The following EEF1A2 variants were observed in gnomAD, a reference collection of about 807,000 sequenced individuals.
EEF1A2 encodes eukaryotic translation elongation factor 1 alpha 2.
Under a neutral mutation model 39.3 loss-of-function variants are expected in EEF1A2, and 5 were observed. The ratio of observed to expected loss-of-function variants is 0.13; its 90% CI spans 0.07 to 0.27. The LOEUF is 0.27. Ranked by LOEUF, EEF1A2 falls within the 10% of genes least tolerant of loss-of-function variation. The pLI, the probability that EEF1A2 is intolerant of heterozygous loss-of-function variation, is 1.00. For synonymous variants in EEF1A2, 287 were observed against 293.7 expected (o/e 0.98, Z 0.23); for missense variants, 218 against 681.4 (o/e 0.32, Z 7.57).
chr20:63,491,683 T>A (rs1277169578), intron 5 of EEF1A2, among the ~76,000 whole-genome samples: 1 of 146,782 alleles, frequency 6.8e-6, no homozygotes, highest in Non-Finnish European at 1.5e-5. Context: ...GATGTATGAA[T>A]GGGGTGGTAG....
chr20:63,489,009 G>C lies in EEF1A2; in HGVS notation c.1173C>G (p.Pro391=). The stretch of plus-strand genomic sequence containing the variant: ...CCGCGTCTCCAGACTTCAGGGACTT[G>C]GGGTTGTCCTCCAGCTTCTTGCCAG... ...RRSGKKLEDN[P]KSLKSGDAAI... Residue 391 remains proline, a synonymous_variant, in exon 7 of 8, where the codon CCC becomes CCG. Coordinates refer to ENST00000217182, the MANE Select transcript of EEF1A2 (RefSeq NM_001958.5). 2.5e-6 allele frequency: 4 copies of C among 1,612,712 alleles called. No individual in the cohort carries two copies. The South Asian group carries it at 4.4e-5, about 18-fold the overall frequency.
rs1046277357 is a variant in EEF1A2, at chr20:63,493,439, C to T, written c.622-152G>A. On this transcript the variant is annotated intron_variant, in intron 4 of 7. Transcript: ENST00000217182. The stretch of plus-strand genomic sequence containing the variant: ...GGAATTTCCCCACCCTGCTCCTCCC[C>T]AGCCCATAGCCCCAGCATCACAGGG... 8.1e-6 allele frequency: 7 copies of T among 865,730 alleles called. No homozygotes were observed. The Admixed American group carries it at 2.0e-4, about 25-fold the overall frequency. The allele number at this position is 865,730 out of a possible 1,614,324, so 53.6% of individuals were successfully genotyped here.
At chr20:63,495,125 G>A (rs1305933611) in intron 3 of EEF1A2, 24 bp from the exon 4 acceptor site, 4 of 1,596,078 alleles carry the variant, frequency 2.5e-6, no homozygotes, top group East Asian at 2.2e-5. Flanking sequence ...GACACAGTGA[G>A]CCCTGCCCCG....
At position 63,488,350 on chromosome 20, in the gene EEF1A2, C is replaced by T; in HGVS notation, c.1340G>A (p.Gly447Asp). 6.8e-7 allele frequency: 1 copy of T among 1,472,516 alleles called. No individual in the cohort carries two copies. The allele number at this position is 1,472,516 out of a possible 1,614,324, so 91.2% of individuals were successfully genotyped here. ...CGCCGACTTGGTGACCTTGCCGGCG[C>T]CGCCGCTCTTCTTCTCCACGTTCTT... ...VIKNVEKKSGGAGKVTKSAQK... is the reference protein window; with the variant it reads ...VIKNVEKKSGDAGKVTKSAQK... The change falls in exon 8 of 8, where the codon GGC becomes GAC. Residue 447 changes from glycine (G) to aspartate (D), a missense_variant. By Grantham distance (94) the Gly-to-Asp change is moderately conservative (BLOSUM62 -1). Coordinates refer to ENST00000217182, the MANE Select transcript of EEF1A2 (RefSeq NM_001958.5).
Position 63,497,606 on chromosome 20 carries a change from CCTGGGGAG to C in EEF1A2, c.144+6_144+13del. On this transcript the variant is annotated splice_donor_region_variant and intron_variant, in intron 2 of 7. Transcript: ENST00000217182. This position sits in a 1 kb window ranked among gnomAD's most constrained non-coding sequence, Gnocchi z 7.3. Reference sequence around the variant, plus strand: ...CCTTCTCAGGGGGCCAAGACCATAGCCTGGGGAGCTCACCTCAGCCGCCTCCTTCTCGA... The same window carrying C: ...CCTTCTCAGGGGGCCAAGACCATAGCCTCACCTCAGCCGCCTCCTTCTCGA... The C allele has an allele frequency of 1.2e-6, 2 of 1,609,502 alleles. No individual in the cohort carries two copies. Among genetic ancestry groups the C allele is most frequent in the Non-Finnish European group, 1.7e-6 (2 of 1,177,866 alleles).
At chr20:63,492,696 AGATGGATGGATGGATGGAGAGGTG>A (rs2082395096) in intron 5 of EEF1A2, among the ~76,000 whole-genome samples, 2 of 108,636 alleles carry the variant, frequency 1.8e-5, no homozygotes, top group African/African-American at 3.5e-5. Flanking sequence ...ATGGGTGGGG[AGATGGATGGATGGATGGAGAGGTG>A]GATGGATGGA....
chr20:63,489,057 C>T lies in EEF1A2; in HGVS notation c.1125G>A (p.Leu375=). 3.7e-6 allele frequency: 6 copies of T among 1,612,800 alleles called. No individual in the cohort carries two copies. The highest frequency in any genetic ancestry group is 1.1e-5 in the South Asian group (1 of 91,086). The change falls in exon 7 of 8, where the codon CTG becomes CTA. Residue 375 remains leucine, a synonymous_variant. Transcript: ENST00000217182. ...CAGAGCGCCGGTCAATCTTCTCCTT[C>T]AGCTCCGCAAACTTGCAGGCGATGT... ...TAHIACKFAE[L]KEKIDRRSGK... is the part of the protein sequence containing the mutation.
At chr20:63,495,786 AG>A in intron 3 of EEF1A2, 69 bp downstream of exon 3, 1 of 1,565,462 alleles carries the variant, frequency 6.4e-7, no homozygotes, top group Non-Finnish European at 8.7e-7. Flanking sequence ...CAGTGACCCC[AG>A]GGGCCCCCAG....
At position 63,488,260 on chromosome 20, in the gene EEF1A2, G is replaced by GCGC; in HGVS notation, c.*37_*38insGCG. 1 of 1,021,146 alleles carries GCGC rather than the reference G, an allele frequency of 9.8e-7. No individual in the cohort carries two copies. The allele number at this position is 1,021,146 out of a possible 1,614,324, so 63.3% of individuals were successfully genotyped here. A position where few individuals can be genotyped will look rare whatever the true frequency, so the allele number is the denominator to read the frequency against. On this transcript the variant is annotated 3_prime_UTR_variant, in exon 8 of 8. Coordinates refer to ENST00000217182, the MANE Select transcript of EEF1A2 (RefSeq NM_001958.5). ...GCCCGGGCCCGGGGTTCGGAGCGCG[G>GCGC]CACCGCCGGGGAGGGTCGCGCCGCG...
Position 63,490,594 on chromosome 20 carries a change from C to A in EEF1A2, c.914G>T (p.Gly305Val). Residue 305 changes from glycine to valine, a missense_variant, in exon 6 of 8, where the codon GGC (glycine) becomes GTC (valine). Physicochemically the swap from Gly to Val is moderately radical, Grantham distance 109. Around this residue, in one of 4 missense-constraint regions of EEF1A2, gnomAD observed 80 missense variants for 295.9 expected, o/e 0.27. Coordinates refer to ENST00000217182, the MANE Select transcript of EEF1A2 (RefSeq NM_001958.5). ...HHEALSEALP[G>V]DNVGFNVKNV... is the part of the protein sequence containing the mutation. ...CTTCACATTGAAGCCGACGTTGTCG[C>A]CGGGCAGAGCTTCGCTCAGAGCCTC... 6.2e-7 allele frequency: 1 copy of A among 1,612,812 alleles called. No individual in the cohort carries two copies. The highest frequency in any genetic ancestry group is 8.5e-7 in the Non-Finnish European group (1 of 1,179,958).
chr20:63,490,748 G>A lies in EEF1A2; in HGVS notation c.773-13C>T, dbSNP rs1280688283. ...ACCGTGCCAATGCCTGCAGAGGGGAGGGGGTGTGAGGGGAAGGTGGGGCCC... is the reference window on the plus strand; with the variant it reads ...ACCGTGCCAATGCCTGCAGAGGGGAAGGGGTGTGAGGGGAAGGTGGGGCCC... On this transcript the variant is annotated splice_polypyrimidine_tract_variant and intron_variant, in intron 5 of 7. Transcript: ENST00000217182. 1.9e-6 allele frequency: 3 copies of A among 1,584,044 alleles called. No individual in the cohort carries two copies. Among genetic ancestry groups the A allele is most frequent in the South Asian group, 1.1e-5 (1 of 90,774 alleles).
intron 6 of EEF1A2, 27 bp downstream of exon 6, chr20:63,490,452 C>G (rs779722584): frequency 6.3e-7 from 1 of 1,592,388 alleles, no homozygotes; most frequent in Non-Finnish European, 8.6e-7. Flanking sequence ...CAGGCGCCAG[C>G]CCCCTGGACC....
rs1295987421 is a variant in EEF1A2 at position 63,488,310 on chromosome 20, C to T, written c.1380G>A (p.Lys460=). ...GGGCGCCCGCGCTTCACTTGCCCGC[C>T]TTCTGCGCCTTCTGCGCCGACTTGG... The part of the protein sequence containing the change: ...KVTKSAQKAQ[K]AGK The change falls in exon 8 of 8, where the codon AAG becomes AAA. Residue 460 remains lysine, a synonymous_variant. Coordinates refer to ENST00000217182, the MANE Select transcript of EEF1A2 (RefSeq NM_001958.5). 7 of 1,412,916 alleles carry T rather than the reference C, an allele frequency of 5.0e-6. No individual in the cohort carries two copies. In the African/African-American group the frequency reaches 1.1e-4, roughly 21 times the overall value. 87.5% of individuals were successfully genotyped at this position (1,412,916 alleles called of 1,614,324 possible). A position where few individuals can be genotyped will look rare whatever the true frequency, so the allele number is the denominator to read the frequency against.
At chr20:63,496,581 C>T (rs1293186621) in intron 2 of EEF1A2, 1 of 154,038 alleles carries the variant, frequency 6.5e-6, no homozygotes, top group Non-Finnish European at 1.4e-5. Context: ...CCTCCCCTTC[C>T]TCGCTCTGCC....
chr20:63,488,194 C>T lies in EEF1A2; in HGVS notation c.*104G>A, dbSNP rs1406318872. 1.0e-5 allele frequency: 7 copies of T among 673,880 alleles called. No homozygotes were observed. In the South Asian group the frequency reaches 2.9e-4, roughly 28 times the overall value. 41.7% of individuals were successfully genotyped at this position (673,880 alleles called of 1,614,324 possible). On this transcript the variant is annotated 3_prime_UTR_variant, in exon 8 of 8. Coordinates refer to ENST00000217182, the MANE Select transcript of EEF1A2 (RefSeq NM_001958.5). ...TGCAGACATGCGCCTGGCGGGGGTG[C>T]GGGGCGCCGGACCGGCGCGCGGGGC...
intron 5 of EEF1A2, 89 bp downstream of exon 5, chr20:63,493,048 G>T: frequency 2.1e-6 from 3 of 1,463,044 alleles, no homozygotes; most frequent in South Asian, 1.4e-5. Context: ...ATTGGAGACA[G>T]CCCAGTCTTG....
chr20:63,495,810 G>A (rs1844644680), intron 3 of EEF1A2, 46 bp downstream of exon 3: 3 of 1,600,294 alleles, frequency 1.9e-6, no homozygotes, highest in African/African-American at 1.3e-5. Flanking sequence ...TCCCTTGAAG[G>A]GTGCAGCGGC....
rs2082375101 is a variant in EEF1A2 at position 63,490,747 on chromosome 20, A to AG, written c.773-13dup. On this transcript the variant is annotated splice_polypyrimidine_tract_variant and intron_variant, in intron 5 of 7. Coordinates refer to ENST00000217182, the MANE Select transcript of EEF1A2 (RefSeq NM_001958.5). ...CACCGTGCCAATGCCTGCAGAGGGG[A>AG]GGGGGTGTGAGGGGAAGGTGGGGCC... The AG allele has an allele frequency of 1.3e-6, 2 of 1,519,184 alleles. No homozygotes were observed. Among genetic ancestry groups the AG allele is most frequent in the Admixed American group, 1.7e-5 (1 of 57,512 alleles). 94.1% of individuals were successfully genotyped at this position (1,519,184 alleles called of 1,614,324 possible).
At position 63,493,174 on chromosome 20, in the gene EEF1A2, G is replaced by C. The variant is rs2082398925; in HGVS notation, c.735C>G (p.Pro245=). 1 of 1,548,924 alleles carries C rather than the reference G, an allele frequency of 6.5e-7. No individual in the cohort carries two copies. Among genetic ancestry groups the C allele is most frequent in the South Asian group, 1.2e-5 (1 of 83,970 alleles). ...ILPPTRPTDK[P]LRLPLQDVYK... is the part of the protein sequence containing the mutation. ...ACACGTCCTGCAGCGGCAGGCGCAG[G>C]GGCTTGTCCGTGGGGCGCGTGGGGG... The change falls in exon 5 of 8, where the codon CCC becomes CCG. Residue 245 remains proline (P), a synonymous_variant. Transcript: ENST00000217182.
Sources: gnomAD v4.1 joint callset for allele counts (sites outside exome capture counted in the v4.1 genomes callset) on GRCh38, gnomAD v4.1.1 for gene constraint, gnomAD v4.1.1 regional missense constraint, Gnocchi (gnomAD v3.1) non-coding constraint, MANE v1.5 for transcripts, NCBI Gene and HGNC (gene_info 2026-07-23, HGNC 2026-07-21) for gene names.